The following HPS4 variants were observed in gnomAD, a reference collection of about 807,000 sequenced individuals.
The protein encoded by HPS4 is BLOC-3 complex member HPS4.
A neutral mutation model predicts 70.3 loss-of-function variants in HPS4; 44 were observed. The ratio of observed to expected loss-of-function variants is 0.63; its 90% CI spans 0.49 to 0.80. HPS4 has a LOEUF of 0.80. HPS4 is among the 30% of genes least tolerant of loss of function. The pLI is 0.00. For missense variants in HPS4, 873 were observed against 884.4 expected (o/e 0.99, Z 0.16); for synonymous variants, 377 against 355.9 (o/e 1.06, Z -0.67).
At chr22:26,479,622 C>T (rs1308864264) in intron 2 of HPS4, 8 of 1,322,520 alleles carry the variant, frequency 6.0e-6, no homozygotes, top group Admixed American at 3.6e-5. Context: ...AAAAACGAGG[C>T]GCCCACAATG....
rs1333416953 is a variant in HPS4 at position 26,476,867 on chromosome 22, T to G, written c.276+126A>C. On this transcript the variant is annotated intron_variant, in intron 4 of 13. Transcript: ENST00000398145. The stretch of plus-strand genomic sequence containing the variant: ...GAGTACCACAGGAAGCGAGGGTGAT[T>G]ACTAAACACAGTACATGGATGAGGT... The G allele has an allele frequency of 8.0e-6, 8 of 1,000,236 alleles. No individual in the cohort carries two copies. The South Asian group carries it at 9.3e-5, about 12-fold the overall frequency. The allele number at this position is 1,000,236 out of a possible 1,614,324, so 62.0% of individuals were successfully genotyped here.
Position 26,477,009 on chromosome 22 carries a change from T to A in HPS4, c.260A>T (p.Asp87Val). The stretch of plus-strand genomic sequence containing the variant: ...TCAACTTACCCAAAGGTAATCTCCA[T>A]CAACTTTTATGGCAAACTTCAGTTT... ...LRKLKFAIKVDGDYLWVLGCA... is the reference protein window; with the variant it reads ...LRKLKFAIKVVGDYLWVLGCA... Residue 87 changes from aspartate (D) to valine (V), a missense_variant, in exon 4 of 14, where the codon GAT (aspartate) becomes GTT (valine). Physicochemically the swap from Asp to Val is radical, Grantham distance 152. Transcript: ENST00000398145. 2.5e-6 allele frequency: 4 copies of A among 1,614,198 alleles called. No homozygotes were observed. The highest frequency in any genetic ancestry group is 3.4e-6 in the Non-Finnish European group (4 of 1,180,016).
In HPS4 at chr22:26,464,630, C is replaced by G. The variant is rs1308318144; in HGVS notation, c.1000G>C (p.Glu334Gln). The G allele has an allele frequency of 3.1e-6, 5 of 1,614,038 alleles. No individual in the cohort carries two copies. Among genetic ancestry groups the G allele is most frequent in the Non-Finnish European group, 4.2e-6 (5 of 1,179,870 alleles). The change falls in exon 11 of 14, where the codon GAG becomes CAG. Residue 334 changes from glutamate (E) to glutamine (Q), a missense_variant. Physicochemically the swap from Glu to Gln is conservative, Grantham distance 29. Coordinates refer to ENST00000398145, the MANE Select transcript of HPS4 (RefSeq NM_022081.6). ...ENGCLSGHDL[E>Q]SIRPAGLHNS... ...TGCAGTCCTGCGGGCCTGATGCTCT[C>G]CAGATCATGGCCAGACAAGCATCCG...
At chr22:26,466,719 A>AATGCTATACCCAATCTCTCGTTTGTTC (rs148264263) in intron 8 of HPS4, 11,227 of 230,782 alleles carry the variant, frequency 0.049, 519 homozygotes, top group Non-Finnish European at 0.072. Context: ...ACTTAAACAA[A>AATGCTATACCCAATCTCTCGTTTGTTC]ATGCTATACC....
Position 26,453,160 on chromosome 22 carries a change from G to A in HPS4, c.*73C>T, listed in dbSNP as rs780124968. On this transcript the variant is annotated 3_prime_UTR_variant, in exon 14 of 14. Coordinates refer to ENST00000398145, the MANE Select transcript of HPS4 (RefSeq NM_022081.6). ...TGTTTTCAAGAAAAATAAAATAGAG[G>A]GGCCTTTTCAATTATAAAAGGCAGA... The A allele has an allele frequency of 1.4e-6, 2 of 1,380,596 alleles. No homozygotes were observed. Among genetic ancestry groups the A allele is most frequent in the South Asian group, 1.2e-5 (1 of 83,478 alleles). The allele number at this position is 1,380,596 out of a possible 1,614,324, so 85.5% of individuals were successfully genotyped here.
intron 7 of HPS4, 127 bp from the exon 8 acceptor site, chr22:26,468,750 T>A: frequency 1.2e-6 from 1 of 816,106 alleles, no homozygotes; most frequent in Non-Finnish European, 2.1e-6. Flanking sequence ...GAGTTTCAAC[T>A]GGTAAAACCC....
chr22:26,458,303 C>T (rs1299151419), intron 12 of HPS4, 142 bp downstream of exon 12: 2 of 1,025,874 alleles, frequency 1.9e-6, no homozygotes, highest in East Asian at 4.9e-5. Context: ...GGACTGGGCT[C>T]CCGGTGAGAA....
At chr22:26,479,588 G>A (rs1005763155) in intron 2 of HPS4, 2 of 1,352,082 alleles carry the variant, frequency 1.5e-6, no homozygotes, top group African/African-American at 2.9e-5. Flanking sequence ...CCATCTGCCG[G>A]AGAAGACACG....
chr22:26,482,021 C>T lies in HPS4; in HGVS notation c.-259G>A, dbSNP rs927879063. The T allele has an allele frequency of 2.1e-6, 1 of 482,492 alleles. No homozygotes were observed. The highest frequency in any genetic ancestry group is 3.4e-5 in the Admixed American group (1 of 29,548). 29.9% of individuals were successfully genotyped at this position (482,492 alleles called of 1,614,324 possible). ...TCAGGGAGAAACTATAACAGAGAAT[C>T]CTAGCAGAAAAGTCAAATCCATTCC... On this transcript the variant is annotated 5_prime_UTR_variant, in exon 2 of 14. Transcript: ENST00000398145.
intron 11 of HPS4, among the ~76,000 whole-genome samples, chr22:26,461,806 A>G (rs1205700848): frequency 6.6e-6 from 1 of 152,170 alleles, no homozygotes; most frequent in Non-Finnish European, 1.5e-5. Context: ...CAGTGGGCTG[A>G]TCAAAGTTAG....
At chr22:26,479,968 C>G (rs747273752) in intron 2 of HPS4, among the ~76,000 whole-genome samples, 1 of 152,212 alleles carries the variant, frequency 6.6e-6, no homozygotes, top group Non-Finnish European at 1.5e-5. Context: ...CCAAACCTCA[C>G]CAAGTATCAT....
rs755089668 is a variant in HPS4, at chr22:26,472,873, A to C, written c.343T>G (p.Phe115Val). 3.1e-6 allele frequency: 5 copies of C among 1,614,214 alleles called. No homozygotes were observed. Among genetic ancestry groups the C allele is most frequent in the Admixed American group, 3.3e-5 (2 of 60,030 alleles). Residue 115 changes from phenylalanine to valine, a missense_variant, in exon 5 of 14, where the codon TTC becomes GTC. By Grantham distance (50) the Phe-to-Val change is conservative. Transcript: ENST00000398145. ...CKRFLDQLVGFFNFYNGPVSL... is the reference protein window; with the variant it reads ...CKRFLDQLVGVFNFYNGPVSL... Reference sequence around the variant, plus strand: ...ACAGGTCCATTGTAAAAATTAAAGAATCCAACTAGCTGATCCAGAAACCGC... The same window carrying C: ...ACAGGTCCATTGTAAAAATTAAAGACTCCAACTAGCTGATCCAGAAACCGC...
chr22:26,478,265 T>C (rs1410943739), intron 3 of HPS4, among the ~76,000 whole-genome samples: 1 of 151,624 alleles, frequency 6.6e-6, no homozygotes, highest in Admixed American at 6.6e-5. Flanking sequence ...GAGGTTCAGA[T>C]AGGTCACATA....
chr22:26,483,718 C>A lies in HPS4; in HGVS notation c.-523G>T, dbSNP rs886057323. On this transcript the variant is annotated 5_prime_UTR_variant, in exon 1 of 14. Coordinates refer to ENST00000398145, the MANE Select transcript of HPS4 (RefSeq NM_022081.6). ...AGTGCTCGGGGTTCGGGACTCTGGA[C>A]CAGAAATGTGGGCAGCAGCTGGGTA... is the stretch of plus-strand genomic sequence containing the variant. 6 of 431,890 alleles carry A rather than the reference C, an allele frequency of 1.4e-5. No individual in the cohort carries two copies. Among genetic ancestry groups the A allele is most frequent in the African/African-American group, 2.1e-5 (1 of 48,234 alleles). 26.8% of individuals were successfully genotyped at this position (431,890 alleles called of 1,614,324 possible).
chr22:26,453,905 G>A, intron 13 of HPS4: 1 of 200,170 alleles, frequency 5.0e-6, no homozygotes, highest in Non-Finnish European at 1.0e-5. Flanking sequence ...CTCCACACTG[G>A]GGGTGGCTGG....
At chr22:26,460,219 A>G (rs965298465) in intron 11 of HPS4, among the ~76,000 whole-genome samples, 37 of 152,386 alleles carry the variant, frequency 2.4e-4, no homozygotes, top group African/African-American at 7.5e-4. Flanking sequence ...AATGCCAAGC[A>G]CTGCCAATTT....
chr22:26,464,620 C>A lies in HPS4; in HGVS notation c.1010G>T (p.Arg337Met), dbSNP rs1300015980. 8 of 1,614,072 alleles carry A rather than the reference C, an allele frequency of 5.0e-6. No individual in the cohort carries two copies. Among genetic ancestry groups the A allele is most frequent in the Non-Finnish European group, 6.8e-6 (8 of 1,180,028 alleles). Reference protein sequence around the residue: ...CLSGHDLESIRPAGLHNSARG... With the variant: ...CLSGHDLESIMPAGLHNSARG... The stretch of plus-strand genomic sequence containing the variant: ...GGCAGAGTTGTGCAGTCCTGCGGGC[C>A]TGATGCTCTCCAGATCATGGCCAGA... Residue 337 changes from arginine to methionine, a missense_variant, in exon 11 of 14, where the codon AGG becomes ATG. Coordinates refer to ENST00000398145, the MANE Select transcript of HPS4 (RefSeq NM_022081.6).
intron 3 of HPS4, 26 bp downstream of exon 3, chr22:26,479,239 G>GA (rs1245190360): frequency 6.2e-7 from 1 of 1,613,390 alleles, no homozygotes; most frequent in East Asian, 2.2e-5. Context: ...GATCCTCACT[G>GA]AACAATAAAA....
intron 4 of HPS4, among the ~76,000 whole-genome samples, chr22:26,473,245 G>A (rs1488847382): frequency 2.6e-5 from 4 of 152,008 alleles, no homozygotes; most frequent in African/African-American, 4.8e-5. Flanking sequence ...CTATTACCTC[G>A]AGCCAATAAT....
Sources: gnomAD v4.1 joint callset for allele counts (sites outside exome capture counted in the v4.1 genomes callset) on GRCh38, gnomAD v4.1.1 for gene constraint, MANE v1.5 for transcripts, NCBI Gene and HGNC (gene_info 2026-07-23, HGNC 2026-07-21) for gene names.